Variants in PCDHGA12 observed in about 807,000 individuals in gnomAD.
PCDHGA12 encodes protocadherin gamma subfamily A, 12, also known as protocadherin gamma-A12.
In PCDHGA12, 43 loss-of-function variants were observed where a neutral mutation model predicts 61.1. The ratio of observed to expected loss-of-function variants is 0.70; its 90% CI spans 0.55 to 0.91. The LOEUF is 0.91. PCDHGA12 is among the 40% of genes least tolerant of loss of function. The probability of loss-of-function intolerance (pLI) is 0.00; values close to 1 mark genes in which losing one functional copy is unlikely to be tolerated. For missense variants in PCDHGA12, 1,236 were observed against 1,227.7 expected, an observed-to-expected ratio of 1.01 and a Z score of -0.10; for synonymous variants, 520 against 542.9, an observed-to-expected ratio of 0.96 and a Z score of 0.59.
In PCDHGA12 at chr5:141,477,250, C is replaced by G; in HGVS notation, c.2425-17557C>G. 6.2e-7 allele frequency: 1 copy of G among 1,614,190 alleles called. No homozygotes were observed. The highest frequency in any genetic ancestry group is 8.5e-7 in the Non-Finnish European group (1 of 1,180,040). On this transcript the variant is annotated intron_variant, in intron 1 of 3. Coordinates refer to ENST00000252085, the MANE Select transcript of PCDHGA12 (RefSeq NM_003735.3). The surrounding 1 kb of genome is among the most constrained non-coding windows in gnomAD (Gnocchi z 4.9). ...TCATCGCTTTGCTCAGTGTGACTGA[C>G]CTGGATGCTGGCGAGAACGGGCTGG...
At chr5:141,482,442 C>A (rs942933015) in intron 1 of PCDHGA12, among the ~76,000 whole-genome samples, 23 of 147,678 alleles carry the variant, frequency 1.6e-4, no homozygotes, top group African/African-American at 5.6e-4. Context: ...CTGATATTCA[C>A]CATTTATTAG....
chr5:141,501,635 T>G (rs553343946), intron 2 of PCDHGA12, among the ~76,000 whole-genome samples: 1 of 152,236 alleles, frequency 6.6e-6, no homozygotes, highest in African/African-American at 2.4e-5. Flanking sequence ...TCTCAACCTC[T>G]CTGAGCCCTG....
At position 141,476,760 on chromosome 5, in the gene PCDHGA12, C is replaced by A; in HGVS notation, c.2425-18047C>A. The A allele has an allele frequency of 6.2e-7, 1 of 1,613,824 alleles. No homozygotes were observed. Among genetic ancestry groups the A allele is most frequent in the Non-Finnish European group, 8.5e-7 (1 of 1,180,010 alleles). On this transcript the variant is annotated intron_variant, in intron 1 of 3. Coordinates refer to ENST00000252085, the MANE Select transcript of PCDHGA12 (RefSeq NM_003735.3). This position sits in a 1 kb window ranked among gnomAD's most constrained non-coding sequence, Gnocchi z 7.6. ...GAGCCTAGTCTCCAGTTAGTGCTGA[C>A]GGCGTTGGACGGAGGGACCCCAGCT...
In PCDHGA12 at chr5:141,432,038, C is replaced by T. The variant is rs202246871; in HGVS notation, c.1279C>T (p.Arg427Trp). ...SYNITVTATD[R>W]GTPPLSTETH... ...CAACATCACAGTGACCGCCACTGAC[C>T]GGGGAACCCCGCCCCTATCCACGGA... The change falls in exon 1 of 4, where the codon CGG (arginine) becomes TGG (tryptophan). Residue 427 changes from arginine (R) to tryptophan (W), a missense_variant. Arg to Trp is a moderately radical substitution (Grantham distance 101, BLOSUM62 -3). Coordinates refer to ENST00000252085, the MANE Select transcript of PCDHGA12 (RefSeq NM_003735.3). The surrounding 1 kb of genome is among the most constrained non-coding windows in gnomAD (Gnocchi z 6.0). 15 of 1,614,190 alleles carry T rather than the reference C, an allele frequency of 9.3e-6. No individual in the cohort carries two copies. The African/African-American group carries it at 1.5e-4, about 16-fold the overall frequency.
chr5:141,472,980 C>CAAAAAAAAAAAAAAAAAAAAA (rs60579131), intron 1 of PCDHGA12, among the ~76,000 whole-genome samples: 3 of 86,094 alleles, frequency 3.5e-5, no homozygotes, highest in Non-Finnish European at 5.0e-5. Context: ...GAGTGAAACT[C>CAAAAAAAAAAAAAAAAAAAAA]AAAAAAAAAA....
chr5:141,502,242 CT>C (rs989546500), intron 2 of PCDHGA12, among the ~76,000 whole-genome samples: 27 of 151,950 alleles, frequency 1.8e-4, no homozygotes, highest in African/African-American at 6.3e-4. Context: ...TTCTTTTATC[CT>C]TTTTTTTAAT....
intron 1 of PCDHGA12, among the ~76,000 whole-genome samples, chr5:141,443,131 A>G (rs1042010214): frequency 7.2e-5 from 11 of 152,144 alleles, no homozygotes; most frequent in Non-Finnish European, 1.6e-4. Context: ...GATTAAGAAC[A>G]CTATCATAAG....
chr5:141,442,485 G>A (rs1000683527), intron 1 of PCDHGA12: 2 of 152,248 alleles, frequency 1.3e-5, no homozygotes, highest in Non-Finnish European at 2.9e-5. Flanking sequence ...TGGGGAAGGG[G>A]ATGATTGTGA....
chr5:141,491,047 G>A lies in PCDHGA12; in HGVS notation c.2425-3760G>A, dbSNP rs751761240. On this transcript the variant is annotated intron_variant, in intron 1 of 3. Coordinates refer to ENST00000252085, the MANE Select transcript of PCDHGA12 (RefSeq NM_003735.3). The surrounding 1 kb of genome is among the most constrained non-coding windows in gnomAD (Gnocchi z 6.9). Reference sequence around the variant, plus strand: ...CGTGGATGCTGATGCAGGCCACAATGCGTGGCTCTCCTACTCACTGTTGCC... The same window carrying A: ...CGTGGATGCTGATGCAGGCCACAATACGTGGCTCTCCTACTCACTGTTGCC... 4 of 1,614,054 alleles carry A rather than the reference G, an allele frequency of 2.5e-6. No homozygotes were observed. Among genetic ancestry groups the A allele is most frequent in the Non-Finnish European group, 3.4e-6 (4 of 1,180,034 alleles).
Position 141,487,686 on chromosome 5 carries a change from T to G in PCDHGA12, c.2425-7121T>G, listed in dbSNP as rs778973495. The G allele has an allele frequency of 4.4e-6, 7 of 1,605,914 alleles. 1 individual carries two copies. The African/African-American group carries it at 9.4e-5, about 21-fold the overall frequency. On this transcript the variant is annotated intron_variant, in intron 1 of 3. Coordinates refer to ENST00000252085, the MANE Select transcript of PCDHGA12 (RefSeq NM_003735.3). The surrounding 1 kb of genome is among the most constrained non-coding windows in gnomAD (Gnocchi z 5.0). Reference sequence around the variant, plus strand: ...CCAGGCATATGGCTAGGCCATGTCCTAGAGAGTACTGGCCTCTCAGTAAGT... The same window carrying G: ...CCAGGCATATGGCTAGGCCATGTCCGAGAGAGTACTGGCCTCTCAGTAAGT...
At chr5:141,470,236 T>C (rs1232874196) in intron 1 of PCDHGA12, among the ~76,000 whole-genome samples, 1 of 152,210 alleles carries the variant, frequency 6.6e-6, no homozygotes, top group African/African-American at 2.4e-5. Context: ...ACCAAACCCT[T>C]GAATGTCCCA....
At chr5:141,497,713 T>C (rs1357797720) in intron 2 of PCDHGA12, among the ~76,000 whole-genome samples, 3 of 152,084 alleles carry the variant, frequency 2.0e-5, no homozygotes, top group Non-Finnish European at 1.5e-5. Context: ...CTCATTTTTG[T>C]ATTTTTAGTA....
Position 141,477,778 on chromosome 5 carries a change from C to T in PCDHGA12, c.2425-17029C>T, listed in dbSNP as rs866423908. On this transcript the variant is annotated intron_variant, in intron 1 of 3. Transcript: ENST00000252085. This position sits in a 1 kb window ranked among gnomAD's most constrained non-coding sequence, Gnocchi z 4.9. ...TCCTAGCCACCAACATCAGCGTGAA[C>T]ATATTTGTCACTGATCGCAATGACA... 2.5e-6 allele frequency: 4 copies of T among 1,614,052 alleles called. No homozygotes were observed. In the African/African-American group the frequency reaches 5.3e-5, roughly 22 times the overall value.
intron 1 of PCDHGA12, among the ~76,000 whole-genome samples, chr5:141,433,449 T>C (rs2097611087): frequency 6.6e-6 from 1 of 152,068 alleles, no homozygotes; most frequent in Non-Finnish European, 1.5e-5. Context: ...TTGAGCAGGC[T>C]GATCTGAAAC....
At chr5:141,465,522 G>A (rs1416012695) in intron 1 of PCDHGA12, among the ~76,000 whole-genome samples, 1 of 152,112 alleles carries the variant, frequency 6.6e-6, no homozygotes, top group Non-Finnish European at 1.5e-5. Context: ...AGGATTCTGG[G>A]GAAGTTTTCC....
intron 1 of PCDHGA12, among the ~76,000 whole-genome samples, chr5:141,464,431 A>G (rs1352563675): frequency 6.6e-6 from 1 of 151,648 alleles, no homozygotes; most frequent in Non-Finnish European, 1.5e-5. Flanking sequence ...ATATAGATAT[A>G]TATGTTTGTT....
Position 141,432,155 on chromosome 5 carries a change from C to T in PCDHGA12, c.1396C>T (p.Pro466Ser), listed in dbSNP as rs368480052. 3.8e-5 allele frequency: 62 copies of T among 1,614,178 alleles called. No individual in the cohort carries two copies. In the African/African-American group the frequency reaches 7.1e-4, roughly 18 times the overall value. Residue 466 changes from proline to serine, a missense_variant, in exon 1 of 4, where the codon CCC becomes TCC. By Grantham distance (74) the Pro-to-Ser change is moderately conservative. Coordinates refer to ENST00000252085, the MANE Select transcript of PCDHGA12 (RefSeq NM_003735.3). This position sits in a 1 kb window ranked among gnomAD's most constrained non-coding sequence, Gnocchi z 6.0. ...TTCCGCTTATATCCCAGAGAACAATCCCAGAGGAGTTTCCCTCGTCTCTGT... is the reference window on the plus strand; with the variant it reads ...TTCCGCTTATATCCCAGAGAACAATTCCAGAGGAGTTTCCCTCGTCTCTGT... ...SYSAYIPENNPRGVSLVSVTA... is the reference protein window; with the variant it reads ...SYSAYIPENNSRGVSLVSVTA...
At chr5:141,437,764 A>G (rs1408729040) in intron 1 of PCDHGA12, among the ~76,000 whole-genome samples, 1 of 149,226 alleles carries the variant, frequency 6.7e-6, no homozygotes, top group Non-Finnish European at 1.5e-5. Flanking sequence ...TTTGAGACAG[A>G]GTCTCAATCT....
In PCDHGA12 at chr5:141,477,031, A is replaced by C; in HGVS notation, c.2425-17776A>C. Reference sequence around the variant, plus strand: ...TAGACCTTGTAACCGGGATGCTGACAATCAAGGGTCGGCTGGACTTCGAGG... The same window carrying C: ...TAGACCTTGTAACCGGGATGCTGACCATCAAGGGTCGGCTGGACTTCGAGG... On this transcript the variant is annotated intron_variant, in intron 1 of 3. Coordinates refer to ENST00000252085, the MANE Select transcript of PCDHGA12 (RefSeq NM_003735.3). This position sits in a 1 kb window ranked among gnomAD's most constrained non-coding sequence, Gnocchi z 4.9. The C allele has an allele frequency of 6.2e-7, 1 of 1,614,248 alleles. No individual in the cohort carries two copies. Among genetic ancestry groups the C allele is most frequent in the Non-Finnish European group, 8.5e-7 (1 of 1,180,040 alleles).
Sources: allele counts gnomAD v4.1 joint callset (sites outside exome capture counted in the v4.1 genomes callset), GRCh38; gene constraint gnomAD v4.1.1; non-coding constraint Gnocchi (gnomAD v3.1); transcripts MANE v1.5; gene names NCBI Gene and HGNC (gene_info 2026-07-23, HGNC 2026-07-21).